Variants in TBC1D19 observed in about 807,000 individuals in gnomAD.
The protein encoded by TBC1D19 is TBC1 domain family, member 19.
TBC1D19 carries 60 observed loss-of-function variants against 89.0 expected under a neutral mutation model. The ratio of observed to expected loss-of-function variants is 0.67; its 90% confidence interval spans 0.55 to 0.84. The LOEUF is 0.84. Ranked by LOEUF, TBC1D19 falls within the 40% of genes least tolerant of loss-of-function variation. TBC1D19 has a pLI of 0.00. For synonymous variants in TBC1D19, 189 were observed against 199.7 expected (o/e 0.95, Z 0.45); for missense variants, 500 against 610.8 (o/e 0.82, Z 1.91).
the TBC1D19 span, among the ~76,000 whole-genome samples, chr4:26,832,041 T>C: frequency 6.6e-6 from 1 of 152,186 alleles, no homozygotes; most frequent in Non-Finnish European, 1.5e-5. Flanking sequence ...TGTGTTGAAA[T>C]GAAAATAATT....
Position 26,683,694 on chromosome 4 carries a change from A to C in TBC1D19, c.836A>C (p.Gln279Pro). Residue 279 changes from glutamine (Q) to proline (P), a missense_variant, in exon 12 of 21, where the codon CAG (glutamine) becomes CCG (proline). Around this residue, in one of 2 missense-constraint regions of TBC1D19, gnomAD observed 220 missense variants for 319.1 expected, o/e 0.69. Coordinates refer to ENST00000264866, the MANE Select transcript of TBC1D19 (RefSeq NM_018317.4). The stretch of plus-strand genomic sequence containing the variant: ...ATTTAGGATGTCTTGTATTATGAGC[A>C]GCTTAAGACCAATGTGATACAACAT... ...SQPEDVLYYEQLKTNVIQHDL... is the reference protein window; with the variant it reads ...SQPEDVLYYEPLKTNVIQHDL... 6.2e-7 allele frequency: 1 copy of C among 1,612,202 alleles called. No individual in the cohort carries two copies. The highest frequency in any genetic ancestry group is 1.1e-5 in the South Asian group (1 of 90,654).
the TBC1D19 span, among the ~76,000 whole-genome samples, chr4:26,815,526 G>A: frequency 6.6e-6 from 1 of 152,192 alleles, no homozygotes; most frequent in Non-Finnish European, 1.5e-5. Context: ...GTAAATAACT[G>A]ATACTCTTGA....
chr4:26,793,470 A>G, the TBC1D19 span, among the ~76,000 whole-genome samples: 1 of 152,158 alleles, frequency 6.6e-6, no homozygotes, highest in African/African-American at 2.4e-5. Flanking sequence ...CATGCCTGTA[A>G]TCTCAGCACT....
At chr4:26,770,136 C>T in the TBC1D19 span, among the ~76,000 whole-genome samples, 3 of 150,542 alleles carry the variant, frequency 2.0e-5, no homozygotes, top group Non-Finnish European at 3.0e-5. Flanking sequence ...AATCTAAATA[C>T]AAAAATTTCA....
chr4:26,592,950 G>A (rs2109956498), intron 1 of TBC1D19, among the ~76,000 whole-genome samples: 1 of 151,906 alleles, frequency 6.6e-6, no homozygotes, highest in South Asian at 2.1e-4. Flanking sequence ...TCCCCATCAA[G>A]CTACCAATGA....
chr4:26,673,688 A>G, intron 10 of TBC1D19, 88 bp from the exon 11 acceptor site: 1 of 842,014 alleles, frequency 1.2e-6, no homozygotes, highest in Non-Finnish European at 2.0e-6. Context: ...ACTGAATATC[A>G]GCTTCCCAAA....
chr4:26,691,345 G>T (rs1714266801), intron 13 of TBC1D19, among the ~76,000 whole-genome samples: 1 of 152,188 alleles, frequency 6.6e-6, no homozygotes, highest in African/African-American at 2.4e-5. Flanking sequence ...CAATAGCAGG[G>T]TTCAAGCGAA....
chr4:26,605,841 C>CATAA (rs1740963339), intron 1 of TBC1D19, among the ~76,000 whole-genome samples: 1 of 152,166 alleles, frequency 6.6e-6, no homozygotes, highest in African/African-American at 2.4e-5. Context: ...TTTTTGGCTG[C>CATAA]ATAAATGTCT....
At chr4:26,677,420 G>A (rs911204633) in intron 11 of TBC1D19, among the ~76,000 whole-genome samples, 8 of 151,180 alleles carry the variant, frequency 5.3e-5, no homozygotes, top group African/African-American at 1.7e-4. Context: ...CCAGGTTCAC[G>A]CCATTCTCCT....
At chr4:26,731,751 G>A (rs1560501925) in intron 15 of TBC1D19, among the ~76,000 whole-genome samples, 2 of 152,130 alleles carry the variant, frequency 1.3e-5, no homozygotes, top group African/African-American at 2.4e-5. Context: ...CCCGATCTGC[G>A]TCGTGTCATC....
At chr4:26,651,104 T>G (rs1263763092) in intron 7 of TBC1D19, among the ~76,000 whole-genome samples, 10 of 152,278 alleles carry the variant, frequency 6.6e-5, no homozygotes, top group Admixed American at 6.5e-4. Flanking sequence ...TACCATGCTG[T>G]TTTGGTTACT....
the TBC1D19 span, among the ~76,000 whole-genome samples, chr4:26,786,056 T>G: frequency 7.2e-5 from 11 of 152,318 alleles, no homozygotes; most frequent in Non-Finnish European, 1.3e-4. Context: ...AGTGTGTCCC[T>G]GTCAAAAGGT....
At chr4:26,803,323 C>T in the TBC1D19 span, among the ~76,000 whole-genome samples, 1 of 152,146 alleles carries the variant, frequency 6.6e-6, no homozygotes, top group East Asian at 1.9e-4. Context: ...ATGCAGGCTC[C>T]GGGAGGATTA....
chr4:26,834,948 T>G, the TBC1D19 span, among the ~76,000 whole-genome samples: 1 of 152,232 alleles, frequency 6.6e-6, no homozygotes, highest in Non-Finnish European at 1.5e-5. Flanking sequence ...AAGCTCTATG[T>G]GTGTAGAACT....
chr4:26,631,882 C>T (rs1742827728), intron 4 of TBC1D19, among the ~76,000 whole-genome samples: 1 of 152,008 alleles, frequency 6.6e-6, no homozygotes. Context: ...AATTTCTTTT[C>T]TGTGTAACTT....
At chr4:26,639,515 C>G (rs946440957) in intron 6 of TBC1D19, among the ~76,000 whole-genome samples, 6 of 152,000 alleles carry the variant, frequency 3.9e-5, no homozygotes, top group African/African-American at 1.4e-4. Flanking sequence ...GTGAAAAATA[C>G]GTTTGAAGAC....
intron 19 of TBC1D19, among the ~76,000 whole-genome samples, chr4:26,749,004 T>C (rs1456176538): frequency 1.3e-5 from 2 of 152,222 alleles, no homozygotes; most frequent in Non-Finnish European, 2.9e-5. Flanking sequence ...GTTAAAACCT[T>C]TTCCTTTTTG....
At chr4:26,649,340 C>T (rs918892690) in intron 7 of TBC1D19, among the ~76,000 whole-genome samples, 1 of 152,052 alleles carries the variant, frequency 6.6e-6, no homozygotes, top group Admixed American at 6.6e-5. Context: ...TCCCAATACC[C>T]CCAGCATTTT....
In TBC1D19 at chr4:26,611,878, C is replaced by T. The variant is rs542310525; in HGVS notation, c.100-1291C>T. 1.2e-4 allele frequency among the ~76,000 whole-genome samples: 18 copies of T among 152,074 alleles called. No individual in the cohort carries two copies. The South Asian group carries it at 1.2e-3, about 11-fold the overall frequency. ...ACATTTCCAGACTTTGGAAAGGGAG[C>T]GTTGATTTGTCAGTTTTAAGAATTT... On this transcript the variant is annotated intron_variant, in intron 1 of 20. Transcript: ENST00000264866.
Sources: gnomAD v4.1 joint callset for allele counts (sites outside exome capture counted in the v4.1 genomes callset) on GRCh38, gnomAD v4.1.1 for gene constraint, gnomAD v4.1.1 regional missense constraint, MANE v1.5 for transcripts, NCBI Gene and HGNC (gene_info 2026-07-23, HGNC 2026-07-21) for gene names.